ARK2C: variants seen among roughly 807,000 people sequenced by gnomAD.
The protein encoded by ARK2C is E3 ubiquitin-protein ligase ARK2C.
the ARK2C span, chr18:46,385,655 C>T: frequency 3.3e-5 from 5 of 152,148 alleles, no homozygotes; most frequent in African/African-American, 1.2e-4. Flanking sequence ...TGTCAGCTGT[C>T]CCCCTTTGGA....
the ARK2C span, among the ~76,000 whole-genome samples, chr18:46,403,696 G>A: frequency 6.6e-6 from 1 of 152,088 alleles, no homozygotes; most frequent in African/African-American, 2.4e-5. Context: ...TGGCCAACAT[G>A]ATGAAACTCC....
chr18:46,456,431 T>A, the ARK2C span: 2 of 941,930 alleles, frequency 2.1e-6, no homozygotes, highest in Non-Finnish European at 3.4e-6. Flanking sequence ...AGCCGGGCAG[T>A]TCCCCAGGAG....
At chr18:46,356,560 G>A in the ARK2C span, among the ~76,000 whole-genome samples, 2 of 152,080 alleles carry the variant, frequency 1.3e-5, no homozygotes, top group Non-Finnish European at 2.9e-5. Flanking sequence ...GGGCAGGCAC[G>A]GAATGCGTAC....
the ARK2C span, chr18:46,336,128 C>T: frequency 1.0e-6 from 1 of 985,310 alleles, no homozygotes; most frequent in Non-Finnish European, 1.2e-6. Context: ...TCTCTCAATA[C>T]ACAATTATCT....
At chr18:46,400,887 T>G in the ARK2C span, among the ~76,000 whole-genome samples, 1 of 152,154 alleles carries the variant, frequency 6.6e-6, no homozygotes. Flanking sequence ...GTGCAGACAT[T>G]TACCACTTAC....
At chr18:46,430,702 GC>G in the ARK2C span, among the ~76,000 whole-genome samples, 1 of 151,846 alleles carries the variant, frequency 6.6e-6, no homozygotes, top group African/African-American at 2.4e-5. Context: ...TCTTCCAATT[GC>G]CCTGTTGAAT....
chr18:46,373,830 A>G, the ARK2C span, among the ~76,000 whole-genome samples: 2 of 152,204 alleles, frequency 1.3e-5, no homozygotes, highest in African/African-American at 2.4e-5. Context: ...AGAGAAAGGC[A>G]GAGCTGGGGC....
At chr18:46,450,783 C>T in the ARK2C span, 1 of 1,613,172 alleles carries the variant, frequency 6.2e-7, no homozygotes, top group Non-Finnish European at 8.5e-7. Flanking sequence ...TTCACCTTCC[C>T]CCACAAGTAT....
At chr18:46,393,453 G>C in the ARK2C span, among the ~76,000 whole-genome samples, 3 of 152,160 alleles carry the variant, frequency 2.0e-5, no homozygotes, top group Admixed American at 2.0e-4. Flanking sequence ...TCCTCTTCTG[G>C]CCCAGGGCTT....
chr18:46,390,791 CCCTTATT>C, the ARK2C span, among the ~76,000 whole-genome samples: 38 of 152,016 alleles, frequency 2.5e-4, no homozygotes, highest in Admixed American at 4.6e-4. Context: ...GAGCCGGGCA[CCCTTATT>C]CTTGGTGCTT....
chr18:46,335,369 C>T, the ARK2C span: 1 of 152,148 alleles, frequency 6.6e-6, no homozygotes, highest in Non-Finnish European at 1.5e-5. Flanking sequence ...CTTGATTTTC[C>T]CCTCTTCTCC....
the ARK2C span, among the ~76,000 whole-genome samples, chr18:46,428,779 A>G: frequency 6.6e-6 from 1 of 152,260 alleles, no homozygotes; most frequent in Non-Finnish European, 1.5e-5. Context: ...ACAGAAACAT[A>G]TATTATTAAA....
the ARK2C span, among the ~76,000 whole-genome samples, chr18:46,368,641 G>A: frequency 6.6e-6 from 1 of 152,180 alleles, no homozygotes; most frequent in African/African-American, 2.4e-5. Context: ...AGTTGCACAA[G>A]GCACCATGAA....
At chr18:46,352,261 G>A in the ARK2C span, among the ~76,000 whole-genome samples, 1 of 152,078 alleles carries the variant, frequency 6.6e-6, no homozygotes, top group East Asian at 1.9e-4. Flanking sequence ...AAGGCAGCCA[G>A]TATGGACTCC....
chr18:46,356,967 G>A, the ARK2C span, among the ~76,000 whole-genome samples: 1 of 152,136 alleles, frequency 6.6e-6, no homozygotes, highest in African/African-American at 2.4e-5. Context: ...AGTTCAGGTG[G>A]GGGACAAGTG....
the ARK2C span, among the ~76,000 whole-genome samples, chr18:46,353,787 T>C: frequency 5.3e-5 from 8 of 152,238 alleles, no homozygotes; most frequent in Middle Eastern, 3.4e-3. Flanking sequence ...CCAGAAGAGA[T>C]AACCAGATAC....
the ARK2C span, among the ~76,000 whole-genome samples, chr18:46,377,893 G>A: frequency 3.9e-5 from 6 of 152,144 alleles, no homozygotes; most frequent in Non-Finnish European, 7.3e-5. Flanking sequence ...CAGGAGGGTA[G>A]GACTTGGCAT....
At chr18:46,380,333 G>A in the ARK2C span, among the ~76,000 whole-genome samples, 7 of 152,226 alleles carry the variant, frequency 4.6e-5, no homozygotes, top group Non-Finnish European at 1.0e-4. Flanking sequence ...TTCCTCTGGC[G>A]ACTTGGGGAG....
the ARK2C span, among the ~76,000 whole-genome samples, chr18:46,447,026 C>T: frequency 4.6e-5 from 7 of 152,162 alleles, no homozygotes; most frequent in African/African-American, 1.7e-4. Context: ...ATTGGTTCAT[C>T]CTCAGTGCAA....
Sources: gnomAD v4.1 joint callset for allele counts (sites outside exome capture counted in the v4.1 genomes callset) on GRCh38, gnomAD v4.1.1 for gene constraint, MANE v1.5 for transcripts, NCBI Gene and HGNC (gene_info 2026-07-23, HGNC 2026-07-21) for gene names.